PPFIA2: variants seen among roughly 807,000 people sequenced by gnomAD.
The protein encoded by PPFIA2 is PPFI scaffold protein A2.
Under a neutral mutation model 175.5 loss-of-function variants are expected in PPFIA2, and 46 were observed. The ratio of observed to expected loss-of-function variants is 0.26; its 90% CI spans 0.21 to 0.34. PPFIA2 has a LOEUF of 0.34. Among genes scored for constraint, PPFIA2 ranks in the 10% least tolerant of loss-of-function variants. PPFIA2 has a pLI of 1.00. For synonymous variants in PPFIA2, 568 were observed against 511.4 expected, an observed-to-expected ratio of 1.11 and a Z score of -1.49; for missense variants, 1,179 against 1,506.1, an observed-to-expected ratio of 0.78 and a Z score of 3.60.
chr12:81,651,951 A>C (rs1225563951), intron 4 of PPFIA2, among the ~76,000 whole-genome samples: 2 of 152,036 alleles, frequency 1.3e-5, no homozygotes, highest in African/African-American at 4.8e-5. Flanking sequence ...AGCCAAAAGA[A>C]AACTAGTGAT....
At chr12:81,438,494 A>G (rs542978268) in intron 7 of PPFIA2, among the ~76,000 whole-genome samples, 1 of 152,250 alleles carries the variant, frequency 6.6e-6, no homozygotes, top group South Asian at 2.1e-4. Context: ...AAAACAAAAC[A>G]AAACAAAACA....
rs144017397 is a variant in PPFIA2 at position 81,586,075 on chromosome 12, C to T, written c.303+90716G>A. Among the ~76,000 whole-genome samples, 4 of 152,042 alleles carry T rather than the reference C, an allele frequency of 2.6e-5. No individual in the cohort carries two copies. The East Asian group carries it at 7.7e-4, about 29-fold the overall frequency. Reference sequence around the variant, plus strand: ...TGCACTTTGTCATTGACCACAATGTCATTAAGTGGTTGTATGACTGTATAT... The same window carrying T: ...TGCACTTTGTCATTGACCACAATGTTATTAAGTGGTTGTATGACTGTATAT... On this transcript the variant is annotated intron_variant, in intron 4 of 32. Transcript: ENST00000549396.
chr12:81,452,664 T>C (rs899658741), intron 5 of PPFIA2, among the ~76,000 whole-genome samples: 1 of 152,240 alleles, frequency 6.6e-6, no homozygotes. Context: ...CTTTTCTGAA[T>C]TGGACCGTAT....
intron 4 of PPFIA2, among the ~76,000 whole-genome samples, chr12:81,662,262 G>A (rs1262350900): frequency 3.3e-5 from 5 of 152,130 alleles, no homozygotes; most frequent in African/African-American, 7.2e-5. Flanking sequence ...GAATCCAGGA[G>A]CTGGTTTTTG....
At chr12:81,295,480 T>A (rs1334041823) in intron 23 of PPFIA2, among the ~76,000 whole-genome samples, 1 of 152,204 alleles carries the variant, frequency 6.6e-6, no homozygotes, top group Admixed American at 6.5e-5. Flanking sequence ...GAGACAGCTG[T>A]GCCACATCCA....
chr12:81,302,682 C>T (rs557074651), intron 22 of PPFIA2: 1 of 453,370 alleles, frequency 2.2e-6, no homozygotes, highest in East Asian at 7.0e-5. Context: ...ATGGTAACTC[C>T]AGATGTGCTT....
chr12:81,662,161 C>G (rs545882180), intron 4 of PPFIA2, among the ~76,000 whole-genome samples: 2 of 151,978 alleles, frequency 1.3e-5, no homozygotes, highest in Non-Finnish European at 2.9e-5. Context: ...AGAGCAAACA[C>G]ATTCAAAAGC....
chr12:81,670,632 A>G (rs2071224296), intron 4 of PPFIA2, among the ~76,000 whole-genome samples: 3 of 151,952 alleles, frequency 2.0e-5, no homozygotes, highest in Non-Finnish European at 4.4e-5. Flanking sequence ...AGTTCTCTAC[A>G]GTCACTGAAT....
intron 4 of PPFIA2, among the ~76,000 whole-genome samples, chr12:81,625,897 T>G (rs947661143): frequency 1.3e-5 from 2 of 148,996 alleles, no homozygotes; most frequent in Non-Finnish European, 3.0e-5. Context: ...TAAGATATAG[T>G]ATATAGCCTT....
intron 7 of PPFIA2, 113 bp downstream of exon 7, chr12:81,439,859 A>C: frequency 1.1e-6 from 1 of 913,996 alleles, no homozygotes; most frequent in Non-Finnish European, 1.7e-6. Flanking sequence ...TCAATGGCAT[A>C]GACAGAATGT....
chr12:81,548,385 C>T (rs1315285148), intron 4 of PPFIA2, among the ~76,000 whole-genome samples: 1 of 152,112 alleles, frequency 6.6e-6, no homozygotes, highest in Admixed American at 6.6e-5. Flanking sequence ...TCAAAAAAAG[C>T]CATCAAGAAG....
At chr12:81,462,258 TATA>T (rs2054680061) in intron 4 of PPFIA2, among the ~76,000 whole-genome samples, 2 of 93,620 alleles carry the variant, frequency 2.1e-5, no homozygotes, top group Admixed American at 2.0e-4. Flanking sequence ...TTCTAACATA[TATA>T]TATATATATA....
intron 10 of PPFIA2, among the ~76,000 whole-genome samples, chr12:81,375,092 A>G (rs2036051331): frequency 6.6e-6 from 1 of 152,098 alleles, no homozygotes; most frequent in African/African-American, 2.4e-5. Flanking sequence ...AAATATTGAA[A>G]ATCATGGTAT....
At chr12:81,305,721 C>T (rs1168327968) in intron 22 of PPFIA2, among the ~76,000 whole-genome samples, 9 of 152,176 alleles carry the variant, frequency 5.9e-5, no homozygotes, top group Admixed American at 5.9e-4. Flanking sequence ...ACACTATAAT[C>T]TCCTGCAGGC....
chr12:81,279,693 A>G (rs184989574), intron 27 of PPFIA2, among the ~76,000 whole-genome samples: 1 of 152,312 alleles, frequency 6.6e-6, no homozygotes, highest in East Asian at 1.9e-4. Context: ...TTTGATCATT[A>G]TAGAAAACAT....
At chr12:81,592,205 A>C (rs1019089387) in intron 4 of PPFIA2, among the ~76,000 whole-genome samples, 2 of 152,028 alleles carry the variant, frequency 1.3e-5, no homozygotes, top group Non-Finnish European at 2.9e-5. Context: ...GGCTGTATTA[A>C]CCCAATGCCT....
At chr12:81,443,982 G>A (rs1566857176) in intron 6 of PPFIA2, among the ~76,000 whole-genome samples, 1 of 146,656 alleles carries the variant, frequency 6.8e-6, no homozygotes, top group Non-Finnish European at 1.5e-5. Flanking sequence ...AGCCTCCCCA[G>A]TAGCTGGGAC....
Position 81,413,208 on chromosome 12 carries a change from A to G in PPFIA2, c.646-7305T>C, listed in dbSNP as rs564434390. ...CTCAGTTCTTAGGACACTGACTGAC[A>G]AACAGGAGGCACTCTAGAAATATTT... On this transcript the variant is annotated intron_variant, in intron 7 of 32. Coordinates refer to ENST00000549396, the MANE Select transcript of PPFIA2 (RefSeq NM_003625.5). Among the ~76,000 whole-genome samples the G allele has an allele frequency of 2.6e-5, 4 of 151,924 alleles. No homozygotes were observed. In the East Asian group the frequency reaches 7.7e-4, roughly 29 times the overall value.
chr12:81,265,463 G>C (rs2036977757), intron 30 of PPFIA2, among the ~76,000 whole-genome samples: 1 of 151,954 alleles, frequency 6.6e-6, no homozygotes, highest in South Asian at 2.1e-4. Flanking sequence ...TCTTTTAATT[G>C]GGGTCAAAGT....
Sources: gnomAD v4.1 joint callset for allele counts (sites outside exome capture counted in the v4.1 genomes callset) on GRCh38, gnomAD v4.1.1 for gene constraint, MANE v1.5 for transcripts, NCBI Gene and HGNC (gene_info 2026-07-23, HGNC 2026-07-21) for gene names.